The following PCDHGA8 variants were observed in gnomAD, a reference collection of about 807,000 sequenced individuals.
PCDHGA8 encodes the protein protocadherin gamma subfamily A, 8.
PCDHGA8 carries 45 observed loss-of-function variants against 59.2 expected under a neutral mutation model. The observed-to-expected ratio is 0.76, with a 90% CI of 0.60 to 0.98. The LOEUF is 0.98. Ranked by LOEUF, PCDHGA8 falls within the 50% of genes least tolerant of loss-of-function variation. The probability of loss-of-function intolerance (pLI) is 0.00; values close to 1 mark genes in which losing one functional copy is unlikely to be tolerated. For synonymous variants in PCDHGA8, 531 were observed against 519.0 expected, an observed-to-expected ratio of 1.02 and a Z score of -0.32; for missense variants, 1,257 against 1,196.2, an observed-to-expected ratio of 1.05 and a Z score of -0.75.
At position 141,487,344 on chromosome 5, in the gene PCDHGA8, C is replaced by T. The variant is rs1232854025; in HGVS notation, c.2425-7463C>T. On this transcript the variant is annotated intron_variant, in intron 1 of 3. Coordinates refer to ENST00000398604, the MANE Select transcript of PCDHGA8 (RefSeq NM_032088.2). This position sits in a 1 kb window ranked among gnomAD's most constrained non-coding sequence, Gnocchi z 5.0. ...CTTCGTGGGGCAGCCTGTGGAGTCA[C>T]ATGCTTTCCTGCTGGCACCTGTGCC... 3 of 1,614,208 alleles carry T rather than the reference C, an allele frequency of 1.9e-6. No individual in the cohort carries two copies. The highest frequency in any genetic ancestry group is 3.3e-5 in the Admixed American group (2 of 60,024).
intron 1 of PCDHGA8, among the ~76,000 whole-genome samples, chr5:141,482,791 G>T (rs1039924143): frequency 2.6e-5 from 4 of 152,168 alleles, no homozygotes; most frequent in African/African-American, 9.7e-5. Flanking sequence ...TGTGTGTGTG[G>T]CCGGGTACGG....
chr5:141,505,326 G>A, intron 2 of PCDHGA8, 67 bp from the exon 3 acceptor site: 2 of 1,607,648 alleles, frequency 1.2e-6, no homozygotes, highest in East Asian at 2.2e-5. Context: ...AGCCCTGGGA[G>A]AGGACAGGAG....
At chr5:141,501,318 C>T (rs1273608837) in intron 2 of PCDHGA8, among the ~76,000 whole-genome samples, 1 of 151,766 alleles carries the variant, frequency 6.6e-6, no homozygotes, top group African/African-American at 2.4e-5. Flanking sequence ...CACACACACA[C>T]ACACACACAC....
chr5:141,483,916 A>C (rs1377841777), intron 1 of PCDHGA8, among the ~76,000 whole-genome samples: 1 of 144,996 alleles, frequency 6.9e-6, no homozygotes, highest in African/African-American at 2.5e-5. Flanking sequence ...TCCCACTCAG[A>C]TTGCAGGTCG....
At chr5:141,429,408 T>A (rs2097213256) in intron 1 of PCDHGA8, among the ~76,000 whole-genome samples, 1 of 151,838 alleles carries the variant, frequency 6.6e-6, no homozygotes, top group Non-Finnish European at 1.5e-5. Flanking sequence ...GAGATTAAGG[T>A]CTCATTATGT....
chr5:141,477,393 G>C lies in PCDHGA8; in HGVS notation c.2425-17414G>C. ...GAGACTGTGCCAGAATACAACCTCA[G>C]CATCACCGCCCGAGACGCCGGAACC... On this transcript the variant is annotated intron_variant, in intron 1 of 3. Coordinates refer to ENST00000398604, the MANE Select transcript of PCDHGA8 (RefSeq NM_032088.2). The surrounding 1 kb of genome is among the most constrained non-coding windows in gnomAD (Gnocchi z 4.9). The C allele has an allele frequency of 6.2e-7, 1 of 1,614,098 alleles. No individual in the cohort carries two copies. The highest frequency in any genetic ancestry group is 8.5e-7 in the Non-Finnish European group (1 of 1,180,028).
chr5:141,455,254 G>T (rs936599726), intron 1 of PCDHGA8, among the ~76,000 whole-genome samples: 3 of 151,732 alleles, frequency 2.0e-5, no homozygotes, highest in African/African-American at 7.3e-5. Context: ...TAGTACAATC[G>T]CATTTCTTCC....
chr5:141,393,727 A>C lies in PCDHGA8; in HGVS notation c.914A>C (p.Lys305Thr). 6.2e-7 allele frequency: 1 copy of C among 1,613,852 alleles called. No homozygotes were observed. The highest frequency in any genetic ancestry group is 8.5e-7 in the Non-Finnish European group (1 of 1,179,868). The part of the protein sequence containing the change: ...NENTGEISIA[K>T]SLDYEECSFY... Reference sequence around the variant, plus strand: ...AATACTGGGGAAATATCAATAGCAAAAAGTCTAGATTATGAAGAATGTTCA... The same window carrying C: ...AATACTGGGGAAATATCAATAGCAACAAGTCTAGATTATGAAGAATGTTCA... The change falls in exon 1 of 4, where the codon AAA becomes ACA. Residue 305 changes from lysine to threonine, a missense_variant. By Grantham distance (78) the Lys-to-Thr change is moderately conservative. Transcript: ENST00000398604.
intron 1 of PCDHGA8, chr5:141,414,464 A>G (rs1331771342): frequency 1.2e-6 from 2 of 1,613,904 alleles, no homozygotes; most frequent in African/African-American, 1.3e-5. Context: ...ACAGCCACAG[A>G]TGGGGGAAGT....
chr5:141,394,545 G>A lies in PCDHGA8; in HGVS notation c.1732G>A (p.Ala578Thr). Residue 578 changes from alanine (A) to threonine (T), a missense_variant, in exon 1 of 4, where the codon GCG (alanine) becomes ACG (threonine). Physicochemically the swap from Ala to Thr is moderately conservative, Grantham distance 58 (BLOSUM62 0). Transcript: ENST00000398604. ...PTDGSTGVELAPRSAERGYLV... is the reference protein window; with the variant it reads ...PTDGSTGVELTPRSAERGYLV... The stretch of plus-strand genomic sequence containing the variant: ...AGACGGTTCCACTGGCGTGGAGCTG[G>A]CGCCCCGCTCCGCAGAGCGTGGCTA... 6.2e-7 allele frequency: 1 copy of A among 1,614,164 alleles called. No individual in the cohort carries two copies. Among genetic ancestry groups the A allele is most frequent in the South Asian group, 1.1e-5 (1 of 91,084 alleles).
intron 1 of PCDHGA8, chr5:141,398,327 G>C (rs1348307728): frequency 7.4e-7 from 1 of 1,353,452 alleles, no homozygotes; most frequent in Non-Finnish European, 1.0e-6. Flanking sequence ...CGAAAACTGC[G>C]CGTCAGTTCG....
chr5:141,404,586 A>G, intron 1 of PCDHGA8: 1 of 1,614,008 alleles, frequency 6.2e-7, no homozygotes, highest in Non-Finnish European at 8.5e-7. Context: ...CTTAGCAGCA[A>G]TGTGTCATTG....
At chr5:141,419,717 G>A (rs1159633605) in intron 1 of PCDHGA8, 3 of 1,613,236 alleles carry the variant, frequency 1.9e-6, no homozygotes, top group Non-Finnish European at 2.5e-6. Flanking sequence ...CTTCAGCCTG[G>A]GGCTGCGAAC....
At chr5:141,471,637 T>C (rs1284100810) in intron 1 of PCDHGA8, 2 of 152,198 alleles carry the variant, frequency 1.3e-5, no homozygotes, top group Non-Finnish European at 2.9e-5. Context: ...TATGGATTAG[T>C]AATATACTGG....
intron 1 of PCDHGA8, chr5:141,413,447 C>T: frequency 2.5e-6 from 4 of 1,614,088 alleles, no homozygotes; most frequent in Non-Finnish European, 3.4e-6. Flanking sequence ...TTGATCACCG[C>T]GGGCAGGATA....
At position 141,393,603 on chromosome 5, in the gene PCDHGA8, G is replaced by C; in HGVS notation, c.790G>C (p.Val264Leu). ...GCCCCCAGGCACGCGGCTGCTTACT[G>C]TAACAGCCAGCGACCCGGATGAGGG... The part of the protein sequence containing the change: ...NMPPGTRLLT[V>L]TASDPDEGIN... Residue 264 changes from valine to leucine, a missense_variant, in exon 1 of 4, where the codon GTA (valine) becomes CTA (leucine). Val to Leu is a conservative substitution (Grantham distance 32). Transcript: ENST00000398604. 1 of 1,613,928 alleles carries C rather than the reference G, an allele frequency of 6.2e-7. No individual in the cohort carries two copies. Among genetic ancestry groups the C allele is most frequent in the East Asian group, 2.2e-5 (1 of 44,892 alleles).
chr5:141,433,304 C>T, intron 1 of PCDHGA8: 1 of 932,004 alleles, frequency 1.1e-6, no homozygotes, highest in Non-Finnish European at 1.6e-6. Context: ...AGCAATTATC[C>T]CACCTTTGCC....
intron 1 of PCDHGA8, chr5:141,400,270 T>G: frequency 6.2e-7 from 1 of 1,614,058 alleles, no homozygotes; most frequent in Non-Finnish European, 8.5e-7. Flanking sequence ...GCGACGCTCC[T>G]CCAGCCCTGC....
chr5:141,392,791 G>T lies in PCDHGA8; in HGVS notation c.-23G>T. 6.4e-7 allele frequency: 1 copy of T among 1,557,836 alleles called. No individual in the cohort carries two copies. The highest frequency in any genetic ancestry group is 8.7e-7 in the Non-Finnish European group (1 of 1,153,958). On this transcript the variant is annotated 5_prime_UTR_variant, in exon 1 of 4. Transcript: ENST00000398604. ...CATTTATGCACAGTGAAGATTCTGA[G>T]AGGATTCTGCAGCAAAACAACAATG...
Sources: gnomAD v4.1 joint callset for allele counts (sites outside exome capture counted in the v4.1 genomes callset) on GRCh38, gnomAD v4.1.1 for gene constraint, Gnocchi (gnomAD v3.1) non-coding constraint, MANE v1.5 for transcripts, NCBI Gene and HGNC (gene_info 2026-07-23, HGNC 2026-07-21) for gene names.